ADAD1: variants seen among roughly 807,000 people sequenced by gnomAD.
ADAD1 encodes the protein adenosine deaminase domain-containing protein 1.
A neutral mutation model predicts 66.8 loss-of-function variants in ADAD1; 46 were observed. That is an observed-to-expected ratio of 0.69 (90% CI 0.54 to 0.88). ADAD1 has a LOEUF of 0.88. Ranked by LOEUF, ADAD1 falls within the 40% of genes least tolerant of loss-of-function variation. The pLI is 0.00. For synonymous variants in ADAD1, 248 were observed against 229.4 expected, an observed-to-expected ratio of 1.08 and a Z score of -0.73; for missense variants, 617 against 681.8, an observed-to-expected ratio of 0.91 and a Z score of 1.06.
intron 3 of ADAD1, 43 bp downstream of exon 3, chr4:122,380,284 A>G (rs758405042): frequency 6.4e-7 from 1 of 1,566,074 alleles, no homozygotes; most frequent in Non-Finnish European, 8.6e-7. Context: ...GTTCTTTAAG[A>G]TTCTAGGATG....
chr4:122,429,741 A>G lies in ADAD1; in HGVS notation c.*2A>G. 1 of 1,571,460 alleles carries G rather than the reference A, an allele frequency of 6.4e-7. No individual in the cohort carries two copies. Among genetic ancestry groups the G allele is most frequent in the African/African-American group, 1.3e-5 (1 of 74,082 alleles). On this transcript the variant is annotated 3_prime_UTR_variant, in exon 13 of 13. Transcript: ENST00000296513. Reference sequence around the variant, plus strand: ...TGCATAGAGCAATTTAACATGTGAAATAGGCAATCCATTATCACATTAAAA... The same window carrying G: ...TGCATAGAGCAATTTAACATGTGAAGTAGGCAATCCATTATCACATTAAAA...
chr4:122,404,613 G>T (rs72669125), intron 7 of ADAD1, among the ~76,000 whole-genome samples: 37,763 of 151,998 alleles, frequency 0.25, 5,695 homozygotes, highest in Middle Eastern at 0.51. Context: ...GTATGTTCCT[G>T]CAGTGGTTCT....
chr4:122,415,795 T>A lies in ADAD1; in HGVS notation c.1487+179T>A, dbSNP rs9990745. On this transcript the variant is annotated intron_variant, in intron 11 of 12. Transcript: ENST00000296513. ...ACTAATTTTAAAAATTTTTTAATTT[T>A]AAATTTTTTTTCTGATGAGAAGACA... Among the ~76,000 whole-genome samples the A allele has an allele frequency of 8.1e-3, 1,241 of 152,272 alleles. 9 individuals carry two copies. Among genetic ancestry groups the A allele is most frequent in the African/African-American group, 0.022 (917 of 41,566 alleles).
chr4:122,389,201 C>G (rs555026036), intron 5 of ADAD1, among the ~76,000 whole-genome samples: 77 of 152,164 alleles, frequency 5.1e-4, no homozygotes, highest in Non-Finnish European at 9.4e-4. Flanking sequence ...ATCCTGAGTT[C>G]TAATTTTATT....
At chr4:122,389,200 T>C (rs978157458) in intron 5 of ADAD1, among the ~76,000 whole-genome samples, 3 of 152,240 alleles carry the variant, frequency 2.0e-5, no homozygotes, top group Non-Finnish European at 4.4e-5. Context: ...AATCCTGAGT[T>C]CTAATTTTAT....
rs759741551 is a variant in ADAD1 at position 122,415,397 on chromosome 4, A to G, written c.1268A>G (p.Asp423Gly). 1.6e-5 allele frequency: 26 copies of G among 1,613,170 alleles called. No individual in the cohort carries two copies. The highest frequency in any genetic ancestry group is 2.2e-5 in the Non-Finnish European group (26 of 1,179,602). Residue 423 changes from aspartate to glycine, a missense_variant, in exon 11 of 13, where the codon GAT becomes GGT. Transcript: ENST00000296513. ...TTTCTAGGTGATGGGAATTGCAGTGATACCAGAGGCTTAGAAATCGCTATA... is the reference window on the plus strand; with the variant it reads ...TTTCTAGGTGATGGGAATTGCAGTGGTACCAGAGGCTTAGAAATCGCTATA... Reference protein sequence around the residue: ...SILIGDGNCSDTRGLEIAIKQ... With the variant: ...SILIGDGNCSGTRGLEIAIKQ...
Position 122,379,403 on chromosome 4 carries a change from C to T in ADAD1, c.-51C>T, listed in dbSNP as rs1021355475. Reference sequence around the variant, plus strand: ...CAAGACGCGGAGCTCGGCTGCACGACGCTGGCGCAAGCGCGGGGGCAAGAG... The same window carrying T: ...CAAGACGCGGAGCTCGGCTGCACGATGCTGGCGCAAGCGCGGGGGCAAGAG... On this transcript the variant is annotated 5_prime_UTR_variant, in exon 2 of 13. The change creates a new upstream start codon in the 5' untranslated region. Coordinates refer to ENST00000296513, the MANE Select transcript of ADAD1 (RefSeq NM_139243.4). The T allele has an allele frequency of 6.6e-6, 1 of 152,458 alleles. No homozygotes were observed. The highest frequency in any genetic ancestry group is 1.5e-5 in the Non-Finnish European group (1 of 68,130). The allele number at this position is 152,458 out of a possible 1,614,324, so 9.4% of individuals were successfully genotyped here. A position where few individuals can be genotyped will look rare whatever the true frequency, so the allele number is the denominator to read the frequency against.
chr4:122,405,689 T>C (rs1321155406), intron 7 of ADAD1, among the ~76,000 whole-genome samples: 2 of 152,202 alleles, frequency 1.3e-5, no homozygotes, highest in African/African-American at 4.8e-5. Flanking sequence ...CCAGGAGTTA[T>C]TAGTTTTACA....
At chr4:122,403,065 G>T (rs1190750730) in intron 7 of ADAD1, among the ~76,000 whole-genome samples, 1 of 152,124 alleles carries the variant, frequency 6.6e-6, no homozygotes, top group East Asian at 1.9e-4. Context: ...ACAGAATCTT[G>T]TTTTGTCATA....
chr4:122,411,290 G>C lies in ADAD1; in HGVS notation c.917G>C (p.Cys306Ser). 6.2e-7 allele frequency: 1 copy of C among 1,612,534 alleles called. No individual in the cohort carries two copies. The highest frequency in any genetic ancestry group is 8.5e-7 in the Non-Finnish European group (1 of 1,179,456). Residue 306 changes from cysteine (C) to serine (S), a missense_variant, in exon 9 of 13, where the codon TGT (cysteine) becomes TCT (serine). Physicochemically the swap from Cys to Ser is moderately radical, Grantham distance 112 (BLOSUM62 -1). Transcript: ENST00000296513. ...GCTATGATGGAAAAATCAATATTTT[G>C]TACAGAACCAACTTCTAATCTACTC... ...NPAMMEKSIF[C>S]TEPTSNLLTL... is the part of the protein sequence containing the mutation.
At chr4:122,410,390 T>C (rs1796414852) in intron 8 of ADAD1, among the ~76,000 whole-genome samples, 1 of 152,214 alleles carries the variant, frequency 6.6e-6, no homozygotes, top group Non-Finnish European at 1.5e-5. Context: ...GAGTATATCT[T>C]AAAGTCATGG....
At position 122,420,377 on chromosome 4, in the gene ADAD1, C is replaced by T. The variant is rs188418696; in HGVS notation, c.1488-884C>T. On this transcript the variant is annotated intron_variant, in intron 11 of 12. Coordinates refer to ENST00000296513, the MANE Select transcript of ADAD1 (RefSeq NM_139243.4). ...TAAAGGTCAGGTGAGCTGATCTTAG[C>T]CTGTGTTCACTTACCCTCTAATAGG... Among the ~76,000 whole-genome samples the T allele has an allele frequency of 1.4e-3, 219 of 152,318 alleles. 1 individual carries two copies. Among genetic ancestry groups the T allele is most frequent in the Non-Finnish European group, 2.4e-3 (163 of 68,028 alleles).
chr4:122,421,492 C>A, intron 12 of ADAD1, 102 bp downstream of exon 12: 4 of 1,102,772 alleles, frequency 3.6e-6, no homozygotes, highest in East Asian at 3.1e-5. Context: ...TTGAATACTT[C>A]CTGAATATAA....
At chr4:122,419,046 A>G (rs1289403303) in intron 11 of ADAD1, among the ~76,000 whole-genome samples, 1 of 152,244 alleles carries the variant, frequency 6.6e-6, no homozygotes, top group Non-Finnish European at 1.5e-5. Flanking sequence ...CCCAAGGAAT[A>G]TAAATCATTC....
At chr4:122,388,840 T>A (rs1457137087) in intron 5 of ADAD1, among the ~76,000 whole-genome samples, 1 of 152,184 alleles carries the variant, frequency 6.6e-6, no homozygotes, top group Admixed American at 6.5e-5. Context: ...CGATTTTTTT[T>A]GGAGGGTTTT....
chr4:122,385,361 C>A (rs551528253), intron 5 of ADAD1, among the ~76,000 whole-genome samples: 6 of 152,260 alleles, frequency 3.9e-5, no homozygotes, highest in South Asian at 2.1e-4. Context: ...CAACCTCCCC[C>A]TCCCGGGTTC....
At chr4:122,427,313 C>T (rs1797288024) in intron 12 of ADAD1, among the ~76,000 whole-genome samples, 1 of 152,084 alleles carries the variant, frequency 6.6e-6, no homozygotes, top group Non-Finnish European at 1.5e-5. Flanking sequence ...AAGACCTGTA[C>T]ACTGGAAATG....
intron 7 of ADAD1, among the ~76,000 whole-genome samples, chr4:122,398,789 A>G (rs1288174838): frequency 1.3e-5 from 2 of 150,798 alleles, no homozygotes; most frequent in South Asian, 2.1e-4. Flanking sequence ...AGAATTGTCT[A>G]TTCATGTCCT....
intron 3 of ADAD1, chr4:122,380,465 C>G (rs891702741): frequency 1.3e-5 from 7 of 530,728 alleles, no homozygotes; most frequent in Admixed American, 3.7e-5. Context: ...CTGTTCAAAC[C>G]CCCCCCTTCA....
Sources: gnomAD v4.1 joint callset for allele counts (sites outside exome capture counted in the v4.1 genomes callset) on GRCh38, gnomAD v4.1.1 for gene constraint, MANE v1.5 for transcripts, NCBI Gene and HGNC (gene_info 2026-07-23, HGNC 2026-07-21) for gene names.